The following E2F3 variants were observed in gnomAD, a reference collection of about 807,000 sequenced individuals.
E2F3 encodes the protein E2F transcription factor 3, also known as transcription factor E2F3.
In E2F3, 11 loss-of-function variants were observed where a neutral mutation model predicts 44.4. The ratio of observed to expected loss-of-function variants is 0.25; its 90% confidence interval spans 0.16 to 0.41. The LOEUF (loss-of-function observed/expected upper bound fraction) is 0.41, where lower values mean the gene tolerates loss of function less well. Ranked by LOEUF, E2F3 falls within the 10% of genes least tolerant of loss-of-function variation. The pLI is 1.00. For synonymous variants in E2F3, 249 were observed against 253.0 expected, an observed-to-expected ratio of 0.98 and a Z score of 0.15; for missense variants, 487 against 583.6, an observed-to-expected ratio of 0.83 and a Z score of 1.70.
chr6:20,435,791 C>T (rs1027433177), intron 1 of E2F3, among the ~76,000 whole-genome samples: 3 of 152,072 alleles, frequency 2.0e-5, no homozygotes, highest in Admixed American at 6.6e-5. Context: ...ACTTGCTGAA[C>T]ACCATAATTA....
At chr6:20,413,327 G>A (rs1157595585) in intron 1 of E2F3, among the ~76,000 whole-genome samples, 1 of 152,184 alleles carries the variant, frequency 6.6e-6, no homozygotes, top group African/African-American at 2.4e-5. Flanking sequence ...CTGGAAGCAC[G>A]GCTAGTTGAG....
chr6:20,413,626 GGC>G (rs1377192541), intron 1 of E2F3, among the ~76,000 whole-genome samples: 1 of 152,164 alleles, frequency 6.6e-6, no homozygotes, highest in African/African-American at 2.4e-5. Context: ...TGGGCTTGGT[GGC>G]TAGACGCCAG....
intron 2 of E2F3, 35 bp from the exon 3 acceptor site, chr6:20,481,171 A>C (rs776640693): frequency 1.9e-6 from 3 of 1,601,878 alleles, no homozygotes; most frequent in Non-Finnish European, 2.6e-6. Flanking sequence ...CTTTCCCCCT[A>C]TCCCCCACCC....
intron 1 of E2F3, among the ~76,000 whole-genome samples, chr6:20,429,824 CT>C (rs1309142908): frequency 6.6e-6 from 1 of 151,764 alleles, no homozygotes; most frequent in Non-Finnish European, 1.5e-5. Flanking sequence ...TTTAATTGCT[CT>C]TTTTTATGCA....
rs57286350 is a variant in E2F3 at position 20,424,210 on chromosome 6, G to GGTGTGTGTGTGT, written c.393+21614_393+21625dup. On this transcript the variant is annotated intron_variant, in intron 1 of 6. Transcript: ENST00000346618. ...TTTTGATCTTTAACCTCAGTGGAAG[G>GGTGTGTGTGTGT]GTGTGTGTGTGTGTGTGTGTGTGTG... 3.1e-3 allele frequency among the ~76,000 whole-genome samples: 429 copies of GGTGTGTGTGTGT among 136,980 alleles called. 3 individuals are homozygous for GGTGTGTGTGTGT. The highest frequency in any genetic ancestry group is 8.2e-3 in the South Asian group (34 of 4,158). 89.9% of individuals were successfully genotyped at this position (136,980 alleles called of 152,430 possible).
chr6:20,480,530 C>T (rs1288392776), intron 2 of E2F3, among the ~76,000 whole-genome samples: 1 of 152,176 alleles, frequency 6.6e-6, no homozygotes, highest in East Asian at 1.9e-4. Context: ...TCTCTCTCTT[C>T]CTTTAGTTCA....
At chr6:20,483,150 T>C (rs1330503326) in intron 4 of E2F3, among the ~76,000 whole-genome samples, 1 of 152,172 alleles carries the variant, frequency 6.6e-6, no homozygotes, top group Non-Finnish European at 1.5e-5. Context: ...GATCCTATTA[T>C]TATCTATTTT....
chr6:20,423,662 G>A (rs1040125413), intron 1 of E2F3, among the ~76,000 whole-genome samples: 1 of 152,012 alleles, frequency 6.6e-6, no homozygotes, highest in South Asian at 2.1e-4. Context: ...GTAGAGACAG[G>A]GTTTTGCCAT....
In E2F3 at chr6:20,402,602, A is replaced by AGCGGCG; in HGVS notation, c.382_387dup (p.Gly128_Gly129dup). On this transcript the variant is annotated inframe_insertion, in exon 1 of 7. Coordinates refer to ENST00000346618, the MANE Select transcript of E2F3 (RefSeq NM_001949.5). This position sits in a 1 kb window ranked among gnomAD's most constrained non-coding sequence, Gnocchi z 5.6. ...GCCACCAGCGCTGGGACGCGGCGGC[A>AGCGGCG]GCGGCGGCGGCGGCGGCCCTCCGGT... 3.7e-6 allele frequency: 5 copies of AGCGGCG among 1,333,560 alleles called. No individual in the cohort carries two copies. Among genetic ancestry groups the AGCGGCG allele is most frequent in the Middle Eastern group, 5.1e-4 (2 of 3,934 alleles). The allele number at this position is 1,333,560 out of a possible 1,614,324, so 82.6% of individuals were successfully genotyped here.
rs181089893 is a variant in E2F3, at chr6:20,404,251, C to T, written c.393+1626C>T. On this transcript the variant is annotated intron_variant, in intron 1 of 6. Transcript: ENST00000346618. Reference sequence around the variant, plus strand: ...CACCCGCCACCCCCTCCCTTTGTCCCTGTAATTTATAAAGCGCCTTTGAGA... The same window carrying T: ...CACCCGCCACCCCCTCCCTTTGTCCTTGTAATTTATAAAGCGCCTTTGAGA... 2.7e-3 allele frequency among the ~76,000 whole-genome samples: 416 copies of T among 152,314 alleles called. 1 individual carries two copies. The highest frequency in any genetic ancestry group is 0.014 in the Middle Eastern group (4 of 294).
rs183179404 is a variant in E2F3, at chr6:20,472,608, G to T, written c.394-7238G>T. Among the ~76,000 whole-genome samples, 12 of 152,178 alleles carry T rather than the reference G, an allele frequency of 7.9e-5. No homozygotes were observed. The East Asian group carries it at 2.3e-3, about 29-fold the overall frequency. On this transcript the variant is annotated intron_variant, in intron 1 of 6. Transcript: ENST00000346618. ...CTTGAGCCAGGAGTTTGAGGCTTCA[G>T]TGAACCATGATCACACCACCGCCCT...
At chr6:20,452,556 T>C (rs1761166142) in intron 1 of E2F3, 2 of 152,348 alleles carry the variant, frequency 1.3e-5, no homozygotes, top group South Asian at 4.1e-4. Context: ...TTTTGGATTT[T>C]TGCCAATCTC....
At chr6:20,463,487 A>C (rs1761596038) in intron 1 of E2F3, among the ~76,000 whole-genome samples, 1 of 152,056 alleles carries the variant, frequency 6.6e-6, no homozygotes, top group African/African-American at 2.4e-5. Context: ...ATTTGACATC[A>C]TTTTATTCTG....
At chr6:20,474,488 T>G (rs949728221) in intron 1 of E2F3, among the ~76,000 whole-genome samples, 2 of 152,156 alleles carry the variant, frequency 1.3e-5, no homozygotes, top group Non-Finnish European at 1.5e-5. Context: ...CTGGATAAGT[T>G]GGCTGTTTTA....
intron 1 of E2F3, among the ~76,000 whole-genome samples, chr6:20,426,786 T>C (rs772331837): frequency 5.9e-5 from 9 of 152,212 alleles, no homozygotes; most frequent in Non-Finnish European, 1.2e-4. Flanking sequence ...TAAAATAGAC[T>C]TTCACTTCTT....
At chr6:20,460,962 C>A (rs184420274) in intron 1 of E2F3, among the ~76,000 whole-genome samples, 1 of 121,168 alleles carries the variant, frequency 8.3e-6, no homozygotes, top group African/African-American at 3.2e-5. Flanking sequence ...CACCACTACA[C>A]TCTAGCCTGG....
At chr6:20,403,684 C>T (rs1759387985) in intron 1 of E2F3, 3 of 566,006 alleles carry the variant, frequency 5.3e-6, no homozygotes, top group Non-Finnish European at 9.0e-6. Context: ...CCGGCACCGC[C>T]ACCCTCCCTC....
At chr6:20,414,118 A>C (rs1203311220) in intron 1 of E2F3, among the ~76,000 whole-genome samples, 1 of 152,234 alleles carries the variant, frequency 6.6e-6, no homozygotes, top group Non-Finnish European at 1.5e-5. Flanking sequence ...CTTGATGAAC[A>C]ATAGCAGGCC....
At chr6:20,489,963 T>C (rs1310243974) in intron 6 of E2F3, among the ~76,000 whole-genome samples, 1 of 152,086 alleles carries the variant, frequency 6.6e-6, no homozygotes, top group Non-Finnish European at 1.5e-5. Context: ...AGACCCTGTC[T>C]CAAAAATTAA....
Sources: gnomAD v4.1 joint callset for allele counts (sites outside exome capture counted in the v4.1 genomes callset) on GRCh38, gnomAD v4.1.1 for gene constraint, Gnocchi (gnomAD v3.1) non-coding constraint, MANE v1.5 for transcripts, NCBI Gene and HGNC (gene_info 2026-07-23, HGNC 2026-07-21) for gene names.